The following C4BPA variants were observed in gnomAD, a reference collection of about 807,000 sequenced individuals.
C4BPA encodes C4b-binding protein alpha chain.
C4BPA carries 31 observed loss-of-function variants against 63.7 expected under a neutral mutation model. That is an observed-to-expected ratio of 0.49 (90% CI 0.37 to 0.66). The LOEUF is 0.66. C4BPA is among the 30% of genes least tolerant of loss of function. The probability of loss-of-function intolerance (pLI) is 0.00; values close to 1 mark genes in which losing one functional copy is unlikely to be tolerated. For missense variants in C4BPA, 572 were observed against 723.3 expected (o/e 0.79, Z 2.40); for synonymous variants, 259 against 254.7 (o/e 1.02, Z -0.16).
At position 207,142,810 on chromosome 1, in the gene C4BPA, CT is replaced by C. The variant is rs545307861; in HGVS notation, c.1445-1004del. 1.5e-3 allele frequency among the ~76,000 whole-genome samples: 234 copies of C among 152,156 alleles called. 1 individual carries two copies. The highest frequency in any genetic ancestry group is 2.7e-3 in the Non-Finnish European group (181 of 67,992). On this transcript the variant is annotated intron_variant, in intron 10 of 11. Transcript: ENST00000367070. ...TTGGGATTCTGGGGTCACATACCTTCTTTTAGAAATATCCTGTCATGGAAAC... is the reference window on the plus strand; with the variant it reads ...TTGGGATTCTGGGGTCACATACCTTCTTTAGAAATATCCTGTCATGGAAAC...
chr1:207,117,297 A>C (rs535079528), intron 4 of C4BPA, among the ~76,000 whole-genome samples: 61 of 152,226 alleles, frequency 4.0e-4, no homozygotes, highest in African/African-American at 1.5e-3. Flanking sequence ...AAGAAATTAA[A>C]AACATTAGCC....
intron 9 of C4BPA, among the ~76,000 whole-genome samples, chr1:207,135,393 T>C (rs1463377765): frequency 1.3e-5 from 2 of 152,052 alleles, no homozygotes; most frequent in Non-Finnish European, 2.9e-5. Flanking sequence ...TCCCTGTGCT[T>C]GATATCTCTA....
intron 9 of C4BPA, among the ~76,000 whole-genome samples, chr1:207,135,037 C>A (rs1025214181): frequency 1.3e-5 from 2 of 152,116 alleles, no homozygotes; most frequent in African/African-American, 4.8e-5. Flanking sequence ...CCTTCTGCTT[C>A]TCCAAAAGGC....
chr1:207,142,886 T>C (rs560384461), intron 10 of C4BPA, among the ~76,000 whole-genome samples: 1 of 152,028 alleles, frequency 6.6e-6, no homozygotes, highest in South Asian at 2.1e-4. Flanking sequence ...ACACTGTTGG[T>C]GGGAGTGTAA....
chr1:207,105,219 T>C lies in C4BPA; in HGVS notation c.-26+789T>C, dbSNP rs566895012. Among the ~76,000 whole-genome samples the C allele has an allele frequency of 2.0e-5, 3 of 152,120 alleles. No homozygotes were observed. The East Asian group carries it at 5.8e-4, about 29-fold the overall frequency. On this transcript the variant is annotated intron_variant, in intron 1 of 11. Coordinates refer to ENST00000367070, the MANE Select transcript of C4BPA (RefSeq NM_000715.4). ...AAGGTTGGCATTAAGCTTAGAGATA[T>C]GTTTGAATGTAGTATGAGCACAGAA...
At chr1:207,116,789 G>T (rs1684800523) in intron 4 of C4BPA, among the ~76,000 whole-genome samples, 1 of 151,862 alleles carries the variant, frequency 6.6e-6, no homozygotes, top group Admixed American at 6.6e-5. Flanking sequence ...TTAATATACA[G>T]TATACAGTAT....
At chr1:207,105,576 A>G (rs562431144) in intron 1 of C4BPA, among the ~76,000 whole-genome samples, 14 of 145,880 alleles carry the variant, frequency 9.6e-5, no homozygotes, top group African/African-American at 2.8e-4. Context: ...AAAAAAAAGA[A>G]AAAAAAAAGA....
intron 8 of C4BPA, among the ~76,000 whole-genome samples, chr1:207,132,146 C>G (rs1436274985): frequency 1.3e-5 from 2 of 152,138 alleles, no homozygotes. Flanking sequence ...TGAGCGTAAC[C>G]AGCTGCAGGG....
rs547966018 is a variant in C4BPA, at chr1:207,138,582, A to T, written c.1274-2524A>T. Among the ~76,000 whole-genome samples, 5 of 152,254 alleles carry T rather than the reference A, an allele frequency of 3.3e-5. No homozygotes were observed. The East Asian group carries it at 9.6e-4, about 29-fold the overall frequency. Reference sequence around the variant, plus strand: ...TCTTTTCCTACTACAACCACCTTCAAATACACTAGGTTCTGCTGGGTCCTA... The same window carrying T: ...TCTTTTCCTACTACAACCACCTTCATATACACTAGGTTCTGCTGGGTCCTA... On this transcript the variant is annotated intron_variant, in intron 9 of 11. Coordinates refer to ENST00000367070, the MANE Select transcript of C4BPA (RefSeq NM_000715.4).
chr1:207,129,043 G>T (rs1028441484), intron 7 of C4BPA, among the ~76,000 whole-genome samples: 5 of 151,970 alleles, frequency 3.3e-5, no homozygotes, highest in South Asian at 2.1e-4. Flanking sequence ...AATATTTAAA[G>T]AATTAAGTAA....
chr1:207,126,623 T>A, intron 6 of C4BPA, 90 bp from the exon 7 acceptor site: 1 of 892,552 alleles, frequency 1.1e-6, no homozygotes, highest in Non-Finnish European at 1.8e-6. Flanking sequence ...GGCATTTGTG[T>A]TGCACTTGTA....
chr1:207,118,873 G>A (rs1308136921), intron 4 of C4BPA, among the ~76,000 whole-genome samples: 8 of 152,056 alleles, frequency 5.3e-5, no homozygotes, highest in East Asian at 1.9e-4. Context: ...AAATAGAACC[G>A]CAGGATTTAT....
chr1:207,119,399 G>C lies in C4BPA; in HGVS notation c.428+3884G>C, dbSNP rs1324461274. 2.1e-5 allele frequency among the ~76,000 whole-genome samples: 2 copies of C among 93,300 alleles called. 1 individual carries two copies. Among genetic ancestry groups the C allele is most frequent in the African/African-American group, 6.0e-5 (2 of 33,346 alleles). 61.2% of individuals were successfully genotyped at this position (93,300 alleles called of 152,430 possible). ...CCATACTAACTTGGCATTATGTATG[G>C]AAGATAATTCTGGGAAACATAATTA... On this transcript the variant is annotated intron_variant, in intron 4 of 11. Coordinates refer to ENST00000367070, the MANE Select transcript of C4BPA (RefSeq NM_000715.4).
intron 1 of C4BPA, among the ~76,000 whole-genome samples, chr1:207,105,182 G>A (rs1038480991): frequency 7.2e-5 from 11 of 152,320 alleles, no homozygotes; most frequent in Admixed American, 7.2e-4. Context: ...AGAAGAGGCA[G>A]AAGCATCAAA....
At chr1:207,143,765 CA>C (rs1685470511) in intron 10 of C4BPA, 52 bp from the exon 11 acceptor site, 1 of 1,239,492 alleles carries the variant, frequency 8.1e-7, no homozygotes, top group South Asian at 1.2e-5. Context: ...AGACTGTTAT[CA>C]TGTCCTTCTT....
At chr1:207,128,502 T>TGC (rs1360802884) in intron 7 of C4BPA, among the ~76,000 whole-genome samples, 34 of 152,200 alleles carry the variant, frequency 2.2e-4, no homozygotes, top group African/African-American at 7.5e-4. Context: ...TGAAGCATAT[T>TGC]ATGCCCCAGG....
chr1:207,134,933 C>A (rs577996030), intron 9 of C4BPA, among the ~76,000 whole-genome samples: 2 of 152,330 alleles, frequency 1.3e-5, no homozygotes, highest in Admixed American at 6.5e-5. Flanking sequence ...ATTGAATCTG[C>A]CTTTCTGAAC....
chr1:207,107,871 A>G (rs1684590620), intron 1 of C4BPA, among the ~76,000 whole-genome samples: 1 of 152,156 alleles, frequency 6.6e-6, no homozygotes, highest in African/African-American at 2.4e-5. Context: ...TGCAGCTGCT[A>G]TGACCAACTT....
intron 11 of C4BPA, 126 bp downstream of exon 11, chr1:207,144,119 C>A: frequency 1.5e-6 from 1 of 673,168 alleles, no homozygotes; most frequent in Non-Finnish European, 2.3e-6. Context: ...GAGCCACTCC[C>A]ACTCAAAGAA....
Sources: gnomAD v4.1 joint callset for allele counts (sites outside exome capture counted in the v4.1 genomes callset) on GRCh38, gnomAD v4.1.1 for gene constraint, MANE v1.5 for transcripts, NCBI Gene and HGNC (gene_info 2026-07-23, HGNC 2026-07-21) for gene names.